ADAT1: variants seen among roughly 807,000 people sequenced by gnomAD.
ADAT1 encodes the protein tRNA-specific adenosine deaminase 1.
Under a neutral mutation model 58.6 loss-of-function variants are expected in ADAT1, and 58 were observed. That is an observed-to-expected ratio of 0.99 (90% CI 0.80 to 1.23). The LOEUF is 1.23. Among genes scored for constraint, ADAT1 ranks in the 50% most tolerant of loss-of-function variants. ADAT1 has a pLI of 0.00. For missense variants in ADAT1, 741 were observed against 608.6 expected (o/e 1.22, Z -2.29); for synonymous variants, 254 against 220.8 (o/e 1.15, Z -1.33).
chr16:75,617,488 A>C (rs1469708348), intron 4 of ADAT1, among the ~76,000 whole-genome samples: 1 of 152,064 alleles, frequency 6.6e-6, no homozygotes, highest in African/African-American at 2.4e-5. Flanking sequence ...TCCAATTTCA[A>C]CTGGCCTCGG....
rs968803742 is a variant in ADAT1 at position 75,622,477 on chromosome 16, C to T, written c.-96G>A. The T allele has an allele frequency of 6.6e-6, 1 of 152,104 alleles. No individual in the cohort carries two copies. The highest frequency in any genetic ancestry group is 2.4e-5 in the African/African-American group (1 of 41,420). The allele number at this position is 152,104 out of a possible 1,614,324, so 9.4% of individuals were successfully genotyped here. A position where few individuals can be genotyped will look rare whatever the true frequency, so the allele number is the denominator to read the frequency against. Reference sequence around the variant, plus strand: ...CCTGGCCATCGACCTGAAATTAAACCAGAGGTGCAATTCACAAACCTCGAT... The same window carrying T: ...CCTGGCCATCGACCTGAAATTAAACTAGAGGTGCAATTCACAAACCTCGAT... On this transcript the variant is annotated 5_prime_UTR_variant, in exon 1 of 10. Transcript: ENST00000564657.
At chr16:75,617,121 C>T in intron 5 of ADAT1, 21 bp downstream of exon 5, 1 of 1,588,712 alleles carries the variant, frequency 6.3e-7, no homozygotes, top group Non-Finnish European at 8.6e-7. Context: ...AACATTAATC[C>T]AAAGGCTTGA....
At chr16:75,603,321 C>CCTGGATGT (rs1400896582) in intron 8 of ADAT1, 150 bp from the exon 9 acceptor site, 33 of 651,600 alleles carry the variant, frequency 5.1e-5, no homozygotes, top group Non-Finnish European at 7.5e-5. Context: ...AAAATCCAGA[C>CCTGGATGT]CTGGATGTCT....
At chr16:75,607,332 C>T (rs972151307) in intron 8 of ADAT1, among the ~76,000 whole-genome samples, 1 of 151,810 alleles carries the variant, frequency 6.6e-6, no homozygotes, top group Non-Finnish European at 1.5e-5. Context: ...GGCGAAACCC[C>T]TCTCTACTAA....
Position 75,617,091 on chromosome 16 carries a change from C to T in ADAT1, c.424+51G>A, listed in dbSNP as rs370780265. On this transcript the variant is annotated intron_variant, in intron 5 of 9. Coordinates refer to ENST00000564657, the MANE Select transcript of ADAT1 (RefSeq NM_001324445.2). ...AAAACCTACCTATGGATAACACAAA[C>T]ATAAGGAAGTAGTTCATGTAACATT... The T allele has an allele frequency of 2.6e-6, 4 of 1,561,864 alleles. No individual in the cohort carries two copies. In the Admixed American group the frequency reaches 7.1e-5, roughly 28 times the overall value.
rs375383381 is a variant in ADAT1 at position 75,612,365 on chromosome 16, G to A, written c.921C>T (p.Asn307=). ...ACAGTGCCCCTTGGCATCCGAGGAC[G>A]TTCCATCGGGCCATCTTGTCACTAC... ...MSCSDKMARW[N]VLGCQGALLM... is the part of the protein sequence containing the mutation. The change falls in exon 6 of 10, where the codon AAC becomes AAT. Residue 307 remains asparagine, a synonymous_variant. Coordinates refer to ENST00000564657, the MANE Select transcript of ADAT1 (RefSeq NM_001324445.2). The A allele has an allele frequency of 8.9e-5, 143 of 1,614,080 alleles. No homozygotes were observed. The highest frequency in any genetic ancestry group is 1.1e-4 in the Non-Finnish European group (126 of 1,180,050).
intron 5 of ADAT1, among the ~76,000 whole-genome samples, chr16:75,613,763 A>G (rs188410858): frequency 1.3e-5 from 2 of 152,342 alleles, no homozygotes; most frequent in East Asian, 1.9e-4. Context: ...GATGTTGCCA[A>G]AAGTCTCCTG....
intron 8 of ADAT1, 48 bp downstream of exon 8, chr16:75,608,176 G>T (rs2081420937): frequency 6.7e-7 from 1 of 1,482,438 alleles, no homozygotes; most frequent in Non-Finnish European, 9.4e-7. Flanking sequence ...GATAGTGGTA[G>T]AGTGTGAGTT....
intron 8 of ADAT1, among the ~76,000 whole-genome samples, chr16:75,604,432 C>CAAAAAAAAAAAA (rs869079388): frequency 1.3e-4 from 1 of 7,940 alleles, no homozygotes. Flanking sequence ...GATTCTGTCT[C>CAAAAAAAAAAAA]AAAAAAAAAA....
In ADAT1 at chr16:75,612,395, C is replaced by A; in HGVS notation, c.891G>T (p.Met297Ile). ...KPGRGDRTRS[M>I]SCSDKMARWN... ...ATCGGGCCATCTTGTCACTACAGGACATGGAGCGTGTTCTGTCTCCACGGC... is the reference window on the plus strand; with the variant it reads ...ATCGGGCCATCTTGTCACTACAGGAAATGGAGCGTGTTCTGTCTCCACGGC... The change falls in exon 6 of 10, where the codon ATG (methionine) becomes ATT (isoleucine). Residue 297 changes from methionine (M) to isoleucine (I), a missense_variant. Met to Ile is a conservative substitution (Grantham distance 10). Transcript: ENST00000564657. The A allele has an allele frequency of 6.2e-7, 1 of 1,614,260 alleles. No individual in the cohort carries two copies. Among genetic ancestry groups the A allele is most frequent in the Non-Finnish European group, 8.5e-7 (1 of 1,180,044 alleles).
At position 75,599,739 on chromosome 16, in the gene ADAT1, C is replaced by A. The variant is rs986387494; in HGVS notation, c.*477G>T. On this transcript the variant is annotated 3_prime_UTR_variant, in exon 10 of 10. Coordinates refer to ENST00000564657, the MANE Select transcript of ADAT1 (RefSeq NM_001324445.2). ...AGGTTAGCTTCAGCCAAGTCTGAGG[C>A]ACAGAGCAGGATCACTGAAGAATGG... 2.0e-6 allele frequency: 2 copies of A among 989,186 alleles called. No individual in the cohort carries two copies. Among genetic ancestry groups the A allele is most frequent in the African/African-American group, 3.5e-5 (2 of 57,262 alleles). 61.3% of individuals were successfully genotyped at this position (989,186 alleles called of 1,614,324 possible).
chr16:75,614,797 A>G (rs1034483324), intron 5 of ADAT1, among the ~76,000 whole-genome samples: 2 of 152,240 alleles, frequency 1.3e-5, no homozygotes, highest in African/African-American at 4.8e-5. Flanking sequence ...TTCTCTAGGT[A>G]ATGTTCTCTC....
intron 6 of ADAT1, among the ~76,000 whole-genome samples, chr16:75,611,785 C>T (rs2081542751): frequency 6.6e-6 from 1 of 151,572 alleles, no homozygotes; most frequent in Non-Finnish European, 1.5e-5. Flanking sequence ...TAGCCGGGCG[C>T]GGTGGCTCAC....
intron 8 of ADAT1, among the ~76,000 whole-genome samples, chr16:75,603,713 G>A (rs2081286091): frequency 1.3e-5 from 1 of 74,674 alleles, no homozygotes; most frequent in African/African-American, 1.5e-4. Flanking sequence ...GGAGGTGAGT[G>A]TTGACTACTT....
At chr16:75,606,686 T>G (rs937399268) in intron 8 of ADAT1, among the ~76,000 whole-genome samples, 3 of 152,202 alleles carry the variant, frequency 2.0e-5, no homozygotes, top group Non-Finnish European at 2.9e-5. Context: ...GACTGCAATT[T>G]CATAAATTGC....
Position 75,599,973 on chromosome 16 carries a change from A to C in ADAT1, c.*243T>G. On this transcript the variant is annotated 3_prime_UTR_variant, in exon 10 of 10. Transcript: ENST00000564657. Reference sequence around the variant, plus strand: ...AAACTCTGATTTCATATTTTAGAGAAGCAATAAAACACAATGGAAGTCAGA... The same window carrying C: ...AAACTCTGATTTCATATTTTAGAGACGCAATAAAACACAATGGAAGTCAGA... The C allele has an allele frequency of 8.1e-7, 1 of 1,232,574 alleles. No individual in the cohort carries two copies. The highest frequency in any genetic ancestry group is 1.0e-6 in the Non-Finnish European group (1 of 983,704). The allele number at this position is 1,232,574 out of a possible 1,614,324, so 76.4% of individuals were successfully genotyped here. A position where few individuals can be genotyped will look rare whatever the true frequency, so the allele number is the denominator to read the frequency against.
intron 8 of ADAT1, 118 bp from the exon 9 acceptor site, chr16:75,603,289 T>A: frequency 1.2e-6 from 1 of 818,362 alleles, no homozygotes; most frequent in Non-Finnish European, 2.0e-6. Context: ...GCCCCTCATT[T>A]TCACCTGTAC....
Position 75,600,243 on chromosome 16 carries a change from G to T in ADAT1, c.1482C>A (p.Asn494Lys). Residue 494 changes from asparagine to lysine, a missense_variant, in exon 10 of 10, where the codon AAC becomes AAA. Asn to Lys is a moderately conservative substitution (Grantham distance 94). Coordinates refer to ENST00000564657, the MANE Select transcript of ADAT1 (RefSeq NM_001324445.2). ...ACTTGAACTGGTGATAATCCGGTGGGTTTCTGATCCAGGATCCAAACACCT... is the reference window on the plus strand; with the variant it reads ...ACTTGAACTGGTGATAATCCGGTGGTTTTCTGATCCAGGATCCAAACACCT... ...RKQVFGSWIR[N>K]PPDYHQFK The T allele has an allele frequency of 6.2e-7, 1 of 1,614,180 alleles. No individual in the cohort carries two copies. Among genetic ancestry groups the T allele is most frequent in the East Asian group, 2.2e-5 (1 of 44,886 alleles).
intron 2 of ADAT1, 134 bp from the exon 3 acceptor site, chr16:75,620,468 C>T (rs368914449): frequency 3.6e-5 from 50 of 1,394,564 alleles, no homozygotes; most frequent in East Asian, 2.8e-4. Context: ...TCCAGCATGG[C>T]GGTCTCCCGC....
Sources: allele counts gnomAD v4.1 joint callset (sites outside exome capture counted in the v4.1 genomes callset), GRCh38; gene constraint gnomAD v4.1.1; transcripts MANE v1.5; gene names NCBI Gene and HGNC (gene_info 2026-07-23, HGNC 2026-07-21).